PHF21A: variants seen among roughly 807,000 people sequenced by gnomAD.
PHF21A encodes the protein BHC80a.
A neutral mutation model predicts 82.5 loss-of-function variants in PHF21A; 11 were observed. The ratio of observed to expected loss-of-function variants is 0.13; its 90% CI spans 0.08 to 0.22. The LOEUF (loss-of-function observed/expected upper bound fraction) is 0.22, where lower values mean the gene tolerates loss of function less well. PHF21A is among the 10% of genes least tolerant of loss of function. The pLI is 1.00. For synonymous variants in PHF21A, 297 were observed against 302.8 expected (o/e 0.98, Z 0.20); for missense variants, 579 against 837.8 (o/e 0.69, Z 3.81).
chr11:46,092,829 C>A (rs1167087920), intron 1 of PHF21A, among the ~76,000 whole-genome samples: 1 of 148,142 alleles, frequency 6.8e-6, no homozygotes, highest in Non-Finnish European at 1.5e-5. Flanking sequence ...ACAATCACAG[C>A]TCACTGCAGC....
chr11:46,035,870 G>A (rs764170278), intron 6 of PHF21A, among the ~76,000 whole-genome samples: 8 of 152,158 alleles, frequency 5.3e-5, no homozygotes, highest in Non-Finnish European at 8.8e-5. Context: ...ACAAATTTGC[G>A]AGCCACGTTA....
chr11:46,087,941 G>A (rs2096876055), intron 3 of PHF21A, among the ~76,000 whole-genome samples: 1 of 151,966 alleles, frequency 6.6e-6, no homozygotes. Flanking sequence ...TTTTTTTGTA[G>A]TGACAGGGTT....
intron 14 of PHF21A, among the ~76,000 whole-genome samples, chr11:45,947,760 A>G (rs921632688): frequency 6.6e-6 from 1 of 152,078 alleles, no homozygotes; most frequent in Admixed American, 6.6e-5. Flanking sequence ...AGGGGTCACT[A>G]AAAAAATCAC....
At chr11:46,066,896 A>C (rs1231071517) in intron 6 of PHF21A, among the ~76,000 whole-genome samples, 3 of 152,178 alleles carry the variant, frequency 2.0e-5, no homozygotes, top group Admixed American at 1.3e-4. Flanking sequence ...CATAAATACA[A>C]ACACAGTTTT....
rs2094887239 is a variant in PHF21A, at chr11:45,995,778, C to T, written c.154-15812G>A. Among the ~76,000 whole-genome samples the T allele has an allele frequency of 3.3e-5, 5 of 152,136 alleles. 1 individual carries two copies. The South Asian group carries it at 1.0e-3, about 32-fold the overall frequency. ...GGCACACATATTCAGCTCAATTATA[C>T]ATGTGTAGACAAAAACAAACCAAAA... On this transcript the variant is annotated intron_variant, in intron 6 of 18. Coordinates refer to ENST00000676320, the MANE Select transcript of PHF21A (RefSeq NM_001352027.3).
intron 1 of PHF21A, among the ~76,000 whole-genome samples, chr11:46,119,184 T>A (rs1297099772): frequency 6.6e-6 from 1 of 152,068 alleles, no homozygotes; most frequent in Non-Finnish European, 1.5e-5. Context: ...TATATATAAA[T>A]GTTCTTCCCT....
In PHF21A at chr11:45,950,188, A is replaced by G. The variant is rs2091913985; in HGVS notation, c.1147+18T>C. ...GTGGGCCAGAAAAAAAGGCAGTGCC[A>G]AGAATATCTTCTCTTACCTTCTAGA... On this transcript the variant is annotated intron_variant, in intron 12 of 18. Transcript: ENST00000676320. The G allele has an allele frequency of 7.6e-6, 12 of 1,582,814 alleles. No homozygotes were observed. Among genetic ancestry groups the G allele is most frequent in the Non-Finnish European group, 1.0e-5 (12 of 1,161,454 alleles).
At position 46,113,121 on chromosome 11, in the gene PHF21A, G is replaced by A. The variant is rs1006909; in HGVS notation, c.-237+7814C>T. Among the ~76,000 whole-genome samples the A allele has an allele frequency of 8.5e-3, 1,295 of 152,270 alleles. 45 individuals carry two copies. Among genetic ancestry groups the A allele is most frequent in the Admixed American group, 0.055 (843 of 15,302 alleles). Reference sequence around the variant, plus strand: ...AGCAGACAAGAAGGAAGGGTTTTCCGTACTGTTTAAATCAACTACAGGTCC... The same window carrying A: ...AGCAGACAAGAAGGAAGGGTTTTCCATACTGTTTAAATCAACTACAGGTCC... On this transcript the variant is annotated intron_variant, in intron 1 of 18. Coordinates refer to ENST00000676320, the MANE Select transcript of PHF21A (RefSeq NM_001352027.3).
rs146597431 is a variant in PHF21A, at chr11:45,965,546, G to T, written c.765C>A (p.Leu255=). 6.3e-7 allele frequency: 1 copy of T among 1,596,728 alleles called. No homozygotes were observed. The highest frequency in any genetic ancestry group is 1.7e-5 in the Admixed American group (1 of 59,178). The part of the protein sequence containing the change: ...IPIAPAPPPM[L]AAPQLIQRPV... ...GCCTCTGGATAAGCTGAGGAGCTGC[G>T]AGCATGGGAGGTGGTGCTGGGGCAA... The change falls in exon 10 of 19, where the codon CTC becomes CTA. Residue 255 remains leucine (L), a synonymous_variant. Coordinates refer to ENST00000676320, the MANE Select transcript of PHF21A (RefSeq NM_001352027.3).
intron 6 of PHF21A, among the ~76,000 whole-genome samples, chr11:46,039,407 C>T (rs1167883698): frequency 6.6e-5 from 10 of 152,068 alleles, no homozygotes; most frequent in Admixed American, 6.5e-4. Flanking sequence ...TGTAAAAAGT[C>T]CAAGTCTTTG....
intron 6 of PHF21A, among the ~76,000 whole-genome samples, chr11:46,068,925 T>C (rs2096625651): frequency 6.6e-6 from 1 of 152,320 alleles, no homozygotes. Context: ...CCTATAATAA[T>C]GTGGCACGTT....
chr11:46,076,938 C>A, intron 5 of PHF21A, 119 bp from the exon 6 acceptor site: 1 of 747,442 alleles, frequency 1.3e-6, no homozygotes, highest in South Asian at 1.6e-5. Context: ...TTTAGCCAAT[C>A]AAATCTGTCA....
At chr11:46,107,172 T>C (rs2097161047) in intron 1 of PHF21A, among the ~76,000 whole-genome samples, 2 of 152,230 alleles carry the variant, frequency 1.3e-5, no homozygotes, top group Admixed American at 1.3e-4. Context: ...CCTATATGTT[T>C]GACAACATGC....
chr11:46,095,696 CT>C (rs1228443435), intron 1 of PHF21A, among the ~76,000 whole-genome samples: 1 of 151,458 alleles, frequency 6.6e-6, no homozygotes, highest in African/African-American at 2.4e-5. Flanking sequence ...ATTTAAATAC[CT>C]TTTGTAAAAT....
At chr11:46,000,849 G>T (rs1038927296) in intron 6 of PHF21A, among the ~76,000 whole-genome samples, 49 of 152,248 alleles carry the variant, frequency 3.2e-4, no homozygotes, top group African/African-American at 1.2e-3. Context: ...GAACCCAGGA[G>T]ATGGAGGTTG....
At chr11:45,996,905 T>C (rs553193048) in intron 6 of PHF21A, among the ~76,000 whole-genome samples, 2 of 152,346 alleles carry the variant, frequency 1.3e-5, no homozygotes, top group East Asian at 3.9e-4. Flanking sequence ...ACTAACTTAC[T>C]TTCTTTGGGC....
At chr11:46,081,025 T>A (rs1464677309) in intron 4 of PHF21A, among the ~76,000 whole-genome samples, 2 of 152,212 alleles carry the variant, frequency 1.3e-5, no homozygotes, top group Non-Finnish European at 2.9e-5. Flanking sequence ...ACCTGCTGTG[T>A]GGTACGCTCA....
intron 15 of PHF21A, among the ~76,000 whole-genome samples, chr11:45,941,896 A>G (rs1176598659): frequency 6.6e-6 from 1 of 152,230 alleles, no homozygotes; most frequent in African/African-American, 2.4e-5. Context: ...CCCTTCTCAT[A>G]AAAATGATGA....
intron 6 of PHF21A, among the ~76,000 whole-genome samples, chr11:45,980,942 A>C (rs536251520): frequency 2.6e-5 from 4 of 152,154 alleles, no homozygotes; most frequent in Non-Finnish European, 2.9e-5. Flanking sequence ...GTGAAAAATT[A>C]ATGTCAAAGT....
Sources: gnomAD v4.1 joint callset for allele counts (sites outside exome capture counted in the v4.1 genomes callset) on GRCh38, gnomAD v4.1.1 for gene constraint, MANE v1.5 for transcripts, NCBI Gene and HGNC (gene_info 2026-07-23, HGNC 2026-07-21) for gene names.